COL9A2: variants seen among roughly 807,000 people sequenced by gnomAD.
COL9A2 encodes collagen alpha-2(IX) chain.
COL9A2 carries 66 observed loss-of-function variants against 111.6 expected under a neutral mutation model. The observed-to-expected ratio is 0.59, with a 90% CI of 0.48 to 0.73. The LOEUF is 0.73. Ranked by LOEUF, COL9A2 falls within the 30% of genes least tolerant of loss-of-function variation. The pLI is 0.00. For synonymous variants in COL9A2, 353 were observed against 364.1 expected (o/e 0.97, Z 0.35); for missense variants, 881 against 954.1 (o/e 0.92, Z 1.01).
chr1:40,314,069 G>C lies in COL9A2; in HGVS notation c.249+136C>G, dbSNP rs1042714724. 3.1e-6 allele frequency: 3 copies of C among 982,610 alleles called. No homozygotes were observed. Among genetic ancestry groups the C allele is most frequent in the Non-Finnish European group, 4.9e-6 (3 of 609,468 alleles). 60.9% of individuals were successfully genotyped at this position (982,610 alleles called of 1,614,324 possible). On this transcript the variant is annotated intron_variant, in intron 4 of 31. Coordinates refer to ENST00000372748, the MANE Select transcript of COL9A2 (RefSeq NM_001852.4). This position sits in a 1 kb window ranked among gnomAD's most constrained non-coding sequence, Gnocchi z 4.1. ...CCAGGAAGGTCACAAGTCATATCAA[G>C]GTGAGGGGGGCTCACAGCTGGAGAA...
chr1:40,306,285 T>G, intron 19 of COL9A2, 98 bp from the exon 20 acceptor site: 1 of 1,359,436 alleles, frequency 7.4e-7, no homozygotes, highest in Non-Finnish European at 1.0e-6. Flanking sequence ...TTCCCCCACC[T>G]GTGGGAGCTG....
rs1057515526 is a variant in COL9A2, at chr1:40,312,106, G to A, written c.370C>T (p.Pro124Ser). The change falls in exon 8 of 32, where the codon CCT becomes TCT. Residue 124 changes from proline (P) to serine (S), a missense_variant. Pro to Ser is a moderately conservative substitution (Grantham distance 74). Coordinates refer to ENST00000372748, the MANE Select transcript of COL9A2 (RefSeq NM_001852.4). The surrounding 1 kb of genome is among the most constrained non-coding windows in gnomAD (Gnocchi z 6.0). ...TCACCAGGGAGGCCAACAGGTCCAG[G>A]AGGCCCCTGGGGAGCAGAGAGTTGA... ...GPGFAGPPGP[P>S]GPVGLPGEIG... 6.2e-7 allele frequency: 1 copy of A among 1,601,078 alleles called. No individual in the cohort carries two copies. Among genetic ancestry groups the A allele is most frequent in the Non-Finnish European group, 8.5e-7 (1 of 1,175,556 alleles).
In COL9A2 at chr1:40,305,760, C is replaced by T. The variant is rs6676013; in HGVS notation, c.1062G>A (p.Pro354=). The stretch of plus-strand genomic sequence containing the variant: ...AGAATCCAGGAAGGCCCTGCGGGCC[C>T]GGCTCACCCTGCAGGAAAACAGTTC... ...TKGGPGDQGE[P]GPQGLPGFSG... Residue 354 remains proline (P), a synonymous_variant, in exon 21 of 32, where the codon CCG becomes CCA. Transcript: ENST00000372748. 22,516 of 1,613,974 alleles carry T rather than the reference C, an allele frequency of 0.014. 899 individuals are homozygous for T. Among genetic ancestry groups the T allele is most frequent in the East Asian group, 0.11 (4,851 of 44,864 alleles).
At chr1:40,301,477 C>A (rs1643914175) in intron 31 of COL9A2, 96 bp from the exon 32 acceptor site, 5 of 1,051,980 alleles carry the variant, frequency 4.8e-6, no homozygotes, top group Non-Finnish European at 6.9e-6. Context: ...GAAAATGAGG[C>A]CAAAACACCA....
At chr1:40,305,270 C>T (rs1365443578) in intron 21 of COL9A2, among the ~76,000 whole-genome samples, 1 of 151,736 alleles carries the variant, frequency 6.6e-6, no homozygotes, top group Non-Finnish European at 1.5e-5. Context: ...GGTTTCACCG[C>T]GGTCTGGATC....
At chr1:40,308,158 T>C (rs1198209766) in intron 17 of COL9A2, 34 bp downstream of exon 17, 2 of 1,609,616 alleles carry the variant, frequency 1.2e-6, no homozygotes, top group East Asian at 4.5e-5. Flanking sequence ...GGCCCTGGCC[T>C]CTGTCCTGGT....
chr1:40,317,180 G>A lies in COL9A2; in HGVS notation c.18C>T (p.Ala6=), dbSNP rs891406528. The stretch of plus-strand genomic sequence containing the variant: ...GGAGAACAAGGAGGCTGCGGGGGGA[G>A]GCCGTAGCGGCGGCCATGGCTGGCG... MAAAT[A]SPRSLLVLLQ... is the part of the protein sequence containing the mutation. Residue 6 remains alanine (A), a synonymous_variant, in exon 1 of 32, where the codon GCC becomes GCT. Transcript: ENST00000372748. This position sits in a 1 kb window ranked among gnomAD's most constrained non-coding sequence, Gnocchi z 4.3. 4 of 1,586,016 alleles carry A rather than the reference G, an allele frequency of 2.5e-6. No homozygotes were observed. Among genetic ancestry groups the A allele is most frequent in the Middle Eastern group, 1.7e-4 (1 of 6,028 alleles).
At chr1:40,306,885 C>T (rs1280601817) in intron 19 of COL9A2, among the ~76,000 whole-genome samples, 1 of 147,470 alleles carries the variant, frequency 6.8e-6, no homozygotes, top group African/African-American at 2.5e-5. Flanking sequence ...TGCTCTGTTA[C>T]CCAGGCTGGA....
chr1:40,315,656 T>G lies in COL9A2; in HGVS notation c.84A>C (p.Pro28=). 1.3e-6 allele frequency: 2 copies of G among 1,553,084 alleles called. No individual in the cohort carries two copies. Among genetic ancestry groups the G allele is most frequent in the Non-Finnish European group, 1.7e-6 (2 of 1,147,538 alleles). The change falls in exon 2 of 32, where the codon CCA becomes CCC. Residue 28 remains proline (P), a synonymous_variant. Coordinates refer to ENST00000372748, the MANE Select transcript of COL9A2 (RefSeq NM_001852.4). ...VVLALAQIRG[P]PGERGPPGPP... is the part of the protein sequence containing the mutation. ...GACCCGGGGGGCCCCGCTCTCCCGGTGGACCTCTCTGAAAAACACACACGG... is the reference window on the plus strand; with the variant it reads ...GACCCGGGGGGCCCCGCTCTCCCGGGGGACCTCTCTGAAAAACACACACGG...
intron 2 of COL9A2, chr1:40,315,096 G>C (rs1360088211): frequency 2.3e-6 from 1 of 443,504 alleles, no homozygotes; most frequent in Non-Finnish European, 3.0e-6. Flanking sequence ...CCTCCTGCGG[G>C]AGCTTTCAGA....
At position 40,301,162 on chromosome 1, in the gene COL9A2, G is replaced by T; in HGVS notation, c.*20C>A. On this transcript the variant is annotated 3_prime_UTR_variant, in exon 32 of 32. Transcript: ENST00000372748. The stretch of plus-strand genomic sequence containing the variant: ...TCCTTCCCGCCAGGATGCCTGCCAG[G>T]CTCTGTCTGGGCCTGATGCTCAAGG... The T allele has an allele frequency of 6.2e-7, 1 of 1,612,238 alleles. No individual in the cohort carries two copies. Among genetic ancestry groups the T allele is most frequent in the South Asian group, 1.1e-5 (1 of 90,978 alleles).
rs1569764876 is a variant in COL9A2 at position 40,314,781 on chromosome 1, G to T, written c.151-394C>A. Among the ~76,000 whole-genome samples the T allele has an allele frequency of 6.6e-6, 1 of 152,192 alleles. No homozygotes were observed. The highest frequency in any genetic ancestry group is 1.5e-5 in the Non-Finnish European group (1 of 68,040). ...ACGTGAAGGGGGATGAGCGAGTTGG[G>T]CAGCAGCTCTATTCCAGACTGCAGG... On this transcript the variant is annotated intron_variant, in intron 2 of 31. Transcript: ENST00000372748. The surrounding 1 kb of genome is among the most constrained non-coding windows in gnomAD (Gnocchi z 4.1).
In COL9A2 at chr1:40,305,723, C is replaced by T. The variant is rs945878312; in HGVS notation, c.1099G>A (p.Gly367Arg). Residue 367 changes from glycine to arginine, a missense_variant, in exon 21 of 32, where the codon GGG becomes AGG. Coordinates refer to ENST00000372748, the MANE Select transcript of COL9A2 (RefSeq NM_001852.4). ...GTGCAGGGGGCATTTACCTCTTTCCCAGGGGGACCAGAGAATCCAGGAAGG... is the reference window on the plus strand; with the variant it reads ...GTGCAGGGGGCATTTACCTCTTTCCTAGGGGGACCAGAGAATCCAGGAAGG... Reference protein sequence around the residue: ...QGLPGFSGPPGKEGEPGPRGE... With the variant: ...QGLPGFSGPPRKEGEPGPRGE... 1 of 1,614,110 alleles carries T rather than the reference C, an allele frequency of 6.2e-7. No individual in the cohort carries two copies. Among genetic ancestry groups the T allele is most frequent in the Non-Finnish European group, 8.5e-7 (1 of 1,179,998 alleles).
Position 40,304,054 on chromosome 1 carries a change from T to A in COL9A2, c.1323+10A>T, listed in dbSNP as rs755200764. ...TGGGGGTCGCTGGGAACAGGGGTGC[T>A]GGAACTCACCACTTTGCCGCGGGGC... On this transcript the variant is annotated intron_variant, in intron 25 of 31. Transcript: ENST00000372748. The A allele has an allele frequency of 1.3e-6, 2 of 1,580,062 alleles. No individual in the cohort carries two copies. The highest frequency in any genetic ancestry group is 1.7e-6 in the Non-Finnish European group (2 of 1,163,786).
At chr1:40,306,017 G>C in intron 20 of COL9A2, 126 bp downstream of exon 20, 1 of 1,091,410 alleles carries the variant, frequency 9.2e-7, no homozygotes. Context: ...CAGGAGGGAG[G>C]TGGTTAGGCC....
chr1:40,317,207 C>A lies in COL9A2; in HGVS notation c.-10G>T. ...CCGTAGCGGCGGCCATGGCTGGCGG[C>A]GAGACCAAGGGGGACGGGTGCGTGT... is the stretch of plus-strand genomic sequence containing the variant. On this transcript the variant is annotated 5_prime_UTR_variant, in exon 1 of 32. Coordinates refer to ENST00000372748, the MANE Select transcript of COL9A2 (RefSeq NM_001852.4). This position sits in a 1 kb window ranked among gnomAD's most constrained non-coding sequence, Gnocchi z 4.3. 1 of 1,565,996 alleles carries A rather than the reference C, an allele frequency of 6.4e-7. No individual in the cohort carries two copies. The highest frequency in any genetic ancestry group is 8.6e-7 in the Non-Finnish European group (1 of 1,156,176).
chr1:40,307,001 C>A lies in COL9A2; in HGVS notation c.1008+445G>T, dbSNP rs555646383. 1.0e-3 allele frequency among the ~76,000 whole-genome samples: 159 copies of A among 152,158 alleles called. No individual in the cohort carries two copies. The highest frequency in any genetic ancestry group is 3.6e-3 in the African/African-American group (151 of 41,518). Reference sequence around the variant, plus strand: ...CTGAGATTACAGGCATGAGCCGCCACGCCCAGCTAATTTTTGTATTTTTAG... The same window carrying A: ...CTGAGATTACAGGCATGAGCCGCCAAGCCCAGCTAATTTTTGTATTTTTAG... On this transcript the variant is annotated intron_variant, in intron 19 of 31. Coordinates refer to ENST00000372748, the MANE Select transcript of COL9A2 (RefSeq NM_001852.4). This position sits in a 1 kb window ranked among gnomAD's most constrained non-coding sequence, Gnocchi z 4.8.
At position 40,312,566 on chromosome 1, in the gene COL9A2, G is replaced by A. The variant is rs781344732; in HGVS notation, c.339+8C>T. The A allele has an allele frequency of 6.2e-7, 1 of 1,614,078 alleles. No homozygotes were observed. Among genetic ancestry groups the A allele is most frequent in the South Asian group, 1.1e-5 (1 of 91,072 alleles). On this transcript the variant is annotated splice_region_variant and intron_variant, in intron 6 of 31. Transcript: ENST00000372748. The surrounding 1 kb of genome is among the most constrained non-coding windows in gnomAD (Gnocchi z 6.0). ...GAGTCCCTCGAAGCCCTTGCAGGTTGTACTCACCGGAAGGCCAGGAGGACC... is the reference window on the plus strand; with the variant it reads ...GAGTCCCTCGAAGCCCTTGCAGGTTATACTCACCGGAAGGCCAGGAGGACC...
At position 40,316,070 on chromosome 1, in the gene COL9A2, A is replaced by G. The variant is rs1268725356; in HGVS notation, c.76-406T>C. 1 of 174,138 alleles carries G rather than the reference A, an allele frequency of 5.7e-6. No individual in the cohort carries two copies. Among genetic ancestry groups the G allele is most frequent in the African/African-American group, 2.4e-5 (1 of 42,040 alleles). The allele number at this position is 174,138 out of a possible 1,614,324, so 10.8% of individuals were successfully genotyped here. ...CTCAAATAAATCACAGATGGAATGT[A>G]AGGTTGTGCCTAGCAGGCTGCCGGC... On this transcript the variant is annotated intron_variant, in intron 1 of 31. Coordinates refer to ENST00000372748, the MANE Select transcript of COL9A2 (RefSeq NM_001852.4). The surrounding 1 kb of genome is among the most constrained non-coding windows in gnomAD (Gnocchi z 5.5).
Sources: gnomAD v4.1 joint callset for allele counts (sites outside exome capture counted in the v4.1 genomes callset) on GRCh38, gnomAD v4.1.1 for gene constraint, Gnocchi (gnomAD v3.1) non-coding constraint, MANE v1.5 for transcripts, NCBI Gene and HGNC (gene_info 2026-07-23, HGNC 2026-07-21) for gene names.